Variants in TXLNB observed in about 807,000 individuals in gnomAD.
TXLNB encodes the protein taxilin beta, also known as beta-taxilin.
TXLNB carries 37 observed loss-of-function variants against 57.4 expected under a neutral mutation model. That is an observed-to-expected ratio of 0.64 (90% CI 0.50 to 0.85). TXLNB has a LOEUF of 0.85. Ranked by LOEUF, TXLNB falls within the 40% of genes least tolerant of loss-of-function variation. The pLI, the probability that TXLNB is intolerant of heterozygous loss-of-function variation, is 0.00. For synonymous variants in TXLNB, 302 were observed against 309.6 expected (o/e 0.98, Z 0.26); for missense variants, 848 against 825.6 (o/e 1.03, Z -0.33).
chr6:139,298,973 C>T, the TXLNB span, among the ~76,000 whole-genome samples: 1 of 152,240 alleles, frequency 6.6e-6, no homozygotes, highest in Non-Finnish European at 1.5e-5. Context: ...CCTTCACCTT[C>T]CACCATGAGT....
chr6:139,225,262 CA>C, the TXLNB span, among the ~76,000 whole-genome samples: 1 of 152,018 alleles, frequency 6.6e-6, no homozygotes, highest in African/African-American at 2.4e-5. Context: ...CCCTTGAGAT[CA>C]GGAATAAGCT....
chr6:139,267,350 G>C (rs1006098847), intron 4 of TXLNB, among the ~76,000 whole-genome samples: 3 of 152,102 alleles, frequency 2.0e-5, no homozygotes, highest in African/African-American at 7.2e-5. Context: ...TAGCTTAAAG[G>C]CTGAGGGAGT....
At chr6:139,211,110 T>G in the TXLNB span, among the ~76,000 whole-genome samples, 3 of 152,220 alleles carry the variant, frequency 2.0e-5, no homozygotes, top group Non-Finnish European at 1.5e-5. Flanking sequence ...AATGTCCCTG[T>G]CTGACAGCTT....
intron 2 of TXLNB, among the ~76,000 whole-genome samples, chr6:139,280,251 TAAAAAAAAA>T (rs11313271): frequency 1.3e-5 from 1 of 78,216 alleles, no homozygotes; most frequent in African/African-American, 4.4e-5. Flanking sequence ...ACTCTCTCTC[TAAAAAAAAA>T]AAAAAAAAAA....
At chr6:139,209,071 T>A in the TXLNB span, among the ~76,000 whole-genome samples, 105 of 152,304 alleles carry the variant, frequency 6.9e-4, no homozygotes, top group African/African-American at 2.5e-3. Context: ...CTCCTAGAAC[T>A]GGTAAATGAA....
chr6:139,195,536 T>C, the TXLNB span, among the ~76,000 whole-genome samples: 1 of 152,208 alleles, frequency 6.6e-6, no homozygotes, highest in African/African-American at 2.4e-5. Flanking sequence ...GTTCAAGAGA[T>C]ACCTTCATCC....
chr6:139,279,829 G>C (rs764878269), intron 2 of TXLNB, among the ~76,000 whole-genome samples: 5 of 152,192 alleles, frequency 3.3e-5, no homozygotes, highest in Non-Finnish European at 7.3e-5. Flanking sequence ...AGGCATGTGG[G>C]CATGTAGCCA....
At chr6:139,196,368 T>A in the TXLNB span, among the ~76,000 whole-genome samples, 1 of 30,848 alleles carries the variant, frequency 3.2e-5, no homozygotes, top group South Asian at 9.5e-4. Flanking sequence ...AGATCTGGTT[T>A]TTTTTTTTTT....
chr6:139,190,196 G>A, the TXLNB span, among the ~76,000 whole-genome samples: 5 of 152,078 alleles, frequency 3.3e-5, no homozygotes, highest in Admixed American at 1.3e-4. Flanking sequence ...CTTAGACTGC[G>A]TAACTTATAA....
intron 1 of TXLNB, among the ~76,000 whole-genome samples, chr6:139,290,197 T>C (rs1777273356): frequency 6.6e-6 from 1 of 152,048 alleles, no homozygotes; most frequent in Admixed American, 6.6e-5. Context: ...CTGGCCAACA[T>C]GGTGAAACCC....
At chr6:139,296,133 T>G (rs1204556749), upstream of TXLNB, among the ~76,000 whole-genome samples, 1 of 152,124 alleles carries the variant, frequency 6.6e-6, no homozygotes, top group African/African-American at 2.4e-5. Flanking sequence ...TCCCTTTACC[T>G]CTCTCCTGTT....
At chr6:139,164,095 C>G in the TXLNB span, among the ~76,000 whole-genome samples, 1 of 151,694 alleles carries the variant, frequency 6.6e-6, no homozygotes, top group Non-Finnish European at 1.5e-5. Flanking sequence ...CTCTCTCTCT[C>G]TCTCTGAGCA....
At chr6:139,159,492 G>A in the TXLNB span, among the ~76,000 whole-genome samples, 1 of 152,140 alleles carries the variant, frequency 6.6e-6, no homozygotes, top group African/African-American at 2.4e-5. Flanking sequence ...GGTGCCACAA[G>A]GAGGGTAGCA....
downstream of TXLNB, chr6:139,238,949 T>C (rs1469806664): frequency 2.0e-5 from 3 of 152,216 alleles, no homozygotes; most frequent in Non-Finnish European, 1.5e-5. Flanking sequence ...CTGTTTCTTG[T>C]TGGTCTTATT....
intron 7 of TXLNB, among the ~76,000 whole-genome samples, chr6:139,249,887 C>T (rs2114455443): frequency 6.6e-6 from 1 of 152,184 alleles, no homozygotes; most frequent in African/African-American, 2.4e-5. Context: ...TTAAAGAAGA[C>T]AGAGTAAAGG....
chr6:139,171,783 C>T, the TXLNB span, among the ~76,000 whole-genome samples: 7 of 152,098 alleles, frequency 4.6e-5, no homozygotes, highest in African/African-American at 1.7e-4. Context: ...CAAGCCACCA[C>T]ACTCGGCTTA....
At chr6:139,170,016 T>C in the TXLNB span, 3 of 152,252 alleles carry the variant, frequency 2.0e-5, no homozygotes. Flanking sequence ...CAGTCTACTT[T>C]CTGACTTCAT....
intron 4 of TXLNB, chr6:139,269,226 T>A (rs1290471096): frequency 6.6e-6 from 1 of 152,246 alleles, no homozygotes; most frequent in Admixed American, 6.5e-5. Flanking sequence ...CTTTCAATAC[T>A]ACCCAAGAAG....
intron 2 of TXLNB, among the ~76,000 whole-genome samples, chr6:139,282,126 C>T (rs1236309603): frequency 6.7e-6 from 1 of 149,708 alleles, no homozygotes; most frequent in East Asian, 2.0e-4. Context: ...TTTCTCTGGT[C>T]TTCTTATCAT....
Sources: allele counts gnomAD v4.1 joint callset (sites outside exome capture counted in the v4.1 genomes callset), GRCh38; gene constraint gnomAD v4.1.1; transcripts MANE v1.5; gene names NCBI Gene and HGNC (gene_info 2026-07-23, HGNC 2026-07-21).